Variants in SIL1 observed in about 807,000 individuals in gnomAD.
The protein encoded by SIL1 is SIL1 nucleotide exchange factor.
SIL1 carries 40 observed loss-of-function variants against 49.1 expected under a neutral mutation model. The observed-to-expected ratio is 0.81, with a 90% CI of 0.63 to 1.06. The LOEUF (loss-of-function observed/expected upper bound fraction) is 1.06, where lower values mean the gene tolerates loss of function less well. Ranked by LOEUF, SIL1 falls within the 50% of genes least tolerant of loss-of-function variation. The pLI is 0.00. For missense variants in SIL1, 500 were observed against 572.6 expected (o/e 0.87, Z 1.29); for synonymous variants, 253 against 250.8 (o/e 1.01, Z -0.08).
At chr5:139,103,468 C>T (rs1770636024) in intron 3 of SIL1, among the ~76,000 whole-genome samples, 1 of 152,200 alleles carries the variant, frequency 6.6e-6, no homozygotes. Context: ...CAAGGCGATA[C>T]CTTGGAGAGA....
At chr5:139,151,022 CAGG>C (rs1751288944) in intron 1 of SIL1, among the ~76,000 whole-genome samples, 1 of 152,154 alleles carries the variant, frequency 6.6e-6, no homozygotes, top group African/African-American at 2.4e-5. Context: ...CAGCAATTTT[CAGG>C]AGGAGGATGC....
intron 5 of SIL1, chr5:139,035,156 C>G (rs556856074): frequency 9.2e-6 from 3 of 326,344 alleles, no homozygotes. Context: ...GCTTAACTAG[C>G]TGGGCATTCC....
chr5:138,994,881 G>T (rs1422516821), intron 7 of SIL1, among the ~76,000 whole-genome samples: 1 of 152,074 alleles, frequency 6.6e-6, no homozygotes, highest in Non-Finnish European at 1.5e-5. Context: ...ACCCCAACAG[G>T]TTCCAGTGTA....
chr5:139,157,095 A>G (rs1751421645), intron 1 of SIL1, among the ~76,000 whole-genome samples: 1 of 152,188 alleles, frequency 6.6e-6, no homozygotes, highest in Non-Finnish European at 1.5e-5. Flanking sequence ...AAGCCTTCTC[A>G]TGAGCCTCTC....
At chr5:139,143,344 CATATAT>C (rs1314250793) in intron 1 of SIL1, among the ~76,000 whole-genome samples, 2 of 97,506 alleles carry the variant, frequency 2.1e-5, no homozygotes, top group Admixed American at 9.8e-5. Context: ...CACACACACA[CATATAT>C]ATATATATAT....
rs938809286 is a variant in SIL1, at chr5:139,183,314, T to C, written c.-11+14955A>G. Among the ~76,000 whole-genome samples, 15 of 152,310 alleles carry C rather than the reference T, an allele frequency of 9.8e-5. No homozygotes were observed. The East Asian group carries it at 1.5e-3, about 16-fold the overall frequency. ...CTATTTGAAGGCTTTAAATTCTGAT[T>C]TAAGTAGGACTAACAGAAGTAAAAA... On this transcript the variant is annotated intron_variant, in intron 1 of 9. Transcript: ENST00000394817.
intron 6 of SIL1, among the ~76,000 whole-genome samples, chr5:139,023,789 G>T (rs538929257): frequency 1.3e-5 from 2 of 152,318 alleles, no homozygotes; most frequent in East Asian, 3.9e-4. Flanking sequence ...TGGGACTCGG[G>T]CCGAGTTGTG....
At chr5:139,042,929 G>A (rs188738823) in intron 4 of SIL1, among the ~76,000 whole-genome samples, 305 of 152,282 alleles carry the variant, frequency 2.0e-3, no homozygotes, top group African/African-American at 7.1e-3. Context: ...CCAGGGGTTC[G>A]AGGCTGTGGT....
intron 7 of SIL1, among the ~76,000 whole-genome samples, chr5:138,954,173 C>G (rs1348633328): frequency 1.3e-5 from 2 of 152,244 alleles, no homozygotes; most frequent in African/African-American, 2.4e-5. Context: ...TCTTCCCACC[C>G]CATTTAGAGT....
In SIL1 at chr5:139,121,137, T is replaced by G. The variant is rs185697854; in HGVS notation, c.142A>C (p.Thr48Pro). ...GTTTCTTTTCTCTCTGTTTCTTTGG[T>G]GCTGCTCTTCTCTGGGTTGGTCAGG... The part of the protein sequence containing the change: ...FALTNPEKSS[T>P]KETERKETKA... Residue 48 changes from threonine (T) to proline (P), a missense_variant, in exon 3 of 10, where the codon ACC becomes CCC. By Grantham distance (38) the Thr-to-Pro change is conservative. Coordinates refer to ENST00000394817, the MANE Select transcript of SIL1 (RefSeq NM_022464.5). 1.6e-5 allele frequency: 26 copies of G among 1,614,190 alleles called. No individual in the cohort carries two copies. The African/African-American group carries it at 2.9e-4, about 18-fold the overall frequency.
At chr5:139,190,577 A>T (rs1330166439) in intron 1 of SIL1, among the ~76,000 whole-genome samples, 1 of 152,198 alleles carries the variant, frequency 6.6e-6, no homozygotes, top group African/African-American at 2.4e-5. Flanking sequence ...TCCCAGCTCT[A>T]ACACTAGAGT....
At chr5:139,051,800 G>C (rs1769292709) in intron 3 of SIL1, among the ~76,000 whole-genome samples, 1 of 152,212 alleles carries the variant, frequency 6.6e-6, no homozygotes, top group African/African-American at 2.4e-5. Flanking sequence ...GTGAATCGAT[G>C]GGCTATTCCT....
intron 4 of SIL1, among the ~76,000 whole-genome samples, chr5:139,050,559 C>T (rs779107782): frequency 3.9e-5 from 6 of 152,186 alleles, no homozygotes; most frequent in Non-Finnish European, 8.8e-5. Flanking sequence ...TTTTATTGTT[C>T]ACCAAGGAAG....
chr5:139,187,323 C>T (rs1477612556), intron 1 of SIL1, among the ~76,000 whole-genome samples: 2 of 152,224 alleles, frequency 1.3e-5, no homozygotes, highest in East Asian at 1.9e-4. Flanking sequence ...TCGAGGCCAG[C>T]CTGGCCAACA....
intron 7 of SIL1, among the ~76,000 whole-genome samples, chr5:138,958,327 AT>A (rs1200800959): frequency 6.6e-6 from 1 of 152,232 alleles, no homozygotes; most frequent in Non-Finnish European, 1.5e-5. Context: ...TTCTCAGTGT[AT>A]CACATAGGAG....
intron 7 of SIL1, among the ~76,000 whole-genome samples, chr5:138,988,864 G>A (rs764165640): frequency 4.6e-5 from 7 of 152,158 alleles, no homozygotes; most frequent in East Asian, 1.9e-4. Context: ...GAGCGAGACC[G>A]TATCTCTACC....
At chr5:139,122,102 C>T (rs1750652810) in intron 2 of SIL1, among the ~76,000 whole-genome samples, 1 of 152,094 alleles carries the variant, frequency 6.6e-6, no homozygotes, top group African/African-American at 2.4e-5. Flanking sequence ...AGCCTGCCCA[C>T]CTCCCCTGTC....
chr5:139,184,707 A>T lies in SIL1; in HGVS notation c.-11+13562T>A, dbSNP rs534090685. ...ACAACTAAAAAATAAATAAATGGGGATGTCATAAGAATCAGACTGAAAACA... is the reference window on the plus strand; with the variant it reads ...ACAACTAAAAAATAAATAAATGGGGTTGTCATAAGAATCAGACTGAAAACA... On this transcript the variant is annotated intron_variant, in intron 1 of 9. Transcript: ENST00000394817. Among the ~76,000 whole-genome samples the T allele has an allele frequency of 6.6e-5, 10 of 152,292 alleles. No homozygotes were observed. The East Asian group carries it at 1.5e-3, about 24-fold the overall frequency.
At chr5:139,051,279 T>G in intron 3 of SIL1, 1 of 557,530 alleles carries the variant, frequency 1.8e-6, no homozygotes, top group Non-Finnish European at 3.2e-6. Context: ...GGCAAGAGGA[T>G]TCACACTTGA....
Sources: allele counts gnomAD v4.1 joint callset (sites outside exome capture counted in the v4.1 genomes callset), GRCh38; gene constraint gnomAD v4.1.1; transcripts MANE v1.5; gene names NCBI Gene and HGNC (gene_info 2026-07-23, HGNC 2026-07-21).